TSHR: variants seen among roughly 807,000 people sequenced by gnomAD.
TSHR encodes thyroid stimulating hormone receptor.
In TSHR, 51 loss-of-function variants were observed where a neutral mutation model predicts 64.1. That is an observed-to-expected ratio of 0.80 (90% CI 0.64 to 1.01). The LOEUF is 1.01. Among genes scored for constraint, TSHR ranks in the 50% least tolerant of loss-of-function variants. The pLI is 0.00. For synonymous variants in TSHR, 361 were observed against 361.9 expected (o/e 1.00, Z 0.03); for missense variants, 877 against 942.8 (o/e 0.93, Z 0.91).
At chr14:81,076,517 C>G (rs146652448) in intron 3 of TSHR, among the ~76,000 whole-genome samples, 16 of 152,280 alleles carry the variant, frequency 1.1e-4, no homozygotes, top group African/African-American at 3.1e-4. Context: ...AAACTGACAT[C>G]TTGATTGTCG....
chr14:80,999,090 C>T (rs370466505), intron 1 of TSHR, among the ~76,000 whole-genome samples: 5 of 152,260 alleles, frequency 3.3e-5, no homozygotes, highest in South Asian at 2.1e-4. Flanking sequence ...TTATAATTTC[C>T]GTGGACTTAC....
rs144462932 is a variant in TSHR, at chr14:81,024,708, C to G, written c.171-37440C>G. ...TTCTTTTTTAACAATGGGCCTTGCACTAGATTCATTTATCTTGAAATGGCA... is the reference window on the plus strand; with the variant it reads ...TTCTTTTTTAACAATGGGCCTTGCAGTAGATTCATTTATCTTGAAATGGCA... On this transcript the variant is annotated intron_variant, in intron 1 of 9. Coordinates refer to ENST00000298171, the MANE Select transcript of TSHR (RefSeq NM_000369.5). 2.4e-4 allele frequency among the ~76,000 whole-genome samples: 37 copies of G among 152,278 alleles called. 1 individual carries two copies. The highest frequency in any genetic ancestry group is 6.7e-4 in the African/African-American group (28 of 41,568).
rs183283862 is a variant in TSHR, at chr14:81,073,227, G to A, written c.317+4899G>A. Among the ~76,000 whole-genome samples, 38 of 150,910 alleles carry A rather than the reference G, an allele frequency of 2.5e-4. No individual in the cohort carries two copies. In the East Asian group the frequency reaches 7.2e-3, roughly 29 times the overall value. ...AAACCATATAAAGCAGAAATTGGTAGAACTAAAAAGATAAACAATAATTGG... is the reference window on the plus strand; with the variant it reads ...AAACCATATAAAGCAGAAATTGGTAAAACTAAAAAGATAAACAATAATTGG... On this transcript the variant is annotated intron_variant, in intron 3 of 9. Coordinates refer to ENST00000298171, the MANE Select transcript of TSHR (RefSeq NM_000369.5).
intron 1 of TSHR, among the ~76,000 whole-genome samples, chr14:81,002,807 T>TCTGC (rs1889405026): frequency 1.2e-4 from 3 of 24,368 alleles, no homozygotes; most frequent in Non-Finnish European, 2.9e-4. Context: ...TTTTTTTTTT[T>TCTGC]ATCTTTTTTT....
At chr14:81,092,396 G>C in intron 5 of TSHR, 135 bp from the exon 6 acceptor site, 1 of 845,294 alleles carries the variant, frequency 1.2e-6, no homozygotes. Context: ...CGGTTAAGAA[G>C]GGTCAGTGAA....
At chr14:81,031,415 T>C (rs1884339729) in intron 1 of TSHR, among the ~76,000 whole-genome samples, 1 of 151,784 alleles carries the variant, frequency 6.6e-6, no homozygotes, top group African/African-American at 2.4e-5. Flanking sequence ...TGAGGCATGG[T>C]AAAAAAAATA....
Position 80,967,508 on chromosome 14 carries a change from C to G in TSHR, c.170+11658C>G, listed in dbSNP as rs573855084. Among the ~76,000 whole-genome samples the G allele has an allele frequency of 2.0e-5, 3 of 152,172 alleles. No homozygotes were observed. The East Asian group carries it at 5.8e-4, about 29-fold the overall frequency. On this transcript the variant is annotated intron_variant, in intron 1 of 9. Coordinates refer to ENST00000298171, the MANE Select transcript of TSHR (RefSeq NM_000369.5). ...CCATGTTGGTCAGGCTGATCTCGAA[C>G]TCCTGACCTCAGGGGATCTGGCCGC...
intron 8 of TSHR, among the ~76,000 whole-genome samples, chr14:81,109,301 T>C (rs1025710755): frequency 6.6e-6 from 1 of 151,608 alleles, no homozygotes; most frequent in Admixed American, 6.6e-5. Flanking sequence ...CCCAGCTACT[T>C]GGGAGGCCGA....
chr14:80,970,111 T>A (rs1214373232), intron 1 of TSHR, among the ~76,000 whole-genome samples: 1 of 152,190 alleles, frequency 6.6e-6, no homozygotes, highest in Admixed American at 6.5e-5. Context: ...GGCATTAGCT[T>A]GTGCCAATCT....
chr14:80,955,746 G>A lies in TSHR; in HGVS notation c.66G>A (p.Met22Ile). The A allele has an allele frequency of 6.2e-7, 1 of 1,614,194 alleles. No individual in the cohort carries two copies. Among genetic ancestry groups the A allele is most frequent in the Non-Finnish European group, 8.5e-7 (1 of 1,180,034 alleles). ...LLDLPRDLGG[M>I]GCSSPPCECH... ...ACCTGCCCAGGGACCTGGGCGGAAT[G>A]GGGTGTTCGTCTCCACCCTGCGAGT... Residue 22 changes from methionine to isoleucine, a missense_variant, in exon 1 of 10, where the codon ATG (methionine) becomes ATA (isoleucine). Coordinates refer to ENST00000298171, the MANE Select transcript of TSHR (RefSeq NM_000369.5).
At chr14:81,124,283 G>C (rs1890925414) in intron 8 of TSHR, among the ~76,000 whole-genome samples, 1 of 151,196 alleles carries the variant, frequency 6.6e-6, no homozygotes, top group Non-Finnish European at 1.5e-5. Flanking sequence ...CTGAAAATTT[G>C]TGGCAGAGTC....
intron 1 of TSHR, among the ~76,000 whole-genome samples, chr14:81,055,965 G>T (rs907693834): frequency 1.3e-5 from 2 of 152,144 alleles, no homozygotes; most frequent in African/African-American, 4.8e-5. Context: ...TTTGGGAGGA[G>T]CCAGGGTGGA....
intron 1 of TSHR, among the ~76,000 whole-genome samples, chr14:80,970,757 G>C (rs1455186220): frequency 1.3e-5 from 2 of 152,248 alleles, no homozygotes; most frequent in African/African-American, 4.8e-5. Context: ...CGCCCAGCAA[G>C]TGCTGTACTT....
chr14:81,104,203 A>C (rs1009277768), intron 7 of TSHR: 1 of 985,290 alleles, frequency 1.0e-6, no homozygotes, highest in Admixed American at 6.2e-5. Context: ...CTACAAAAGG[A>C]TTTCCATAGA....
At chr14:81,069,690 T>A (rs1406843265) in intron 3 of TSHR, among the ~76,000 whole-genome samples, 1 of 152,104 alleles carries the variant, frequency 6.6e-6, no homozygotes, top group African/African-American at 2.4e-5. Flanking sequence ...TTGGTTGAGA[T>A]CACTAAAGAG....
intron 1 of TSHR, among the ~76,000 whole-genome samples, chr14:80,989,418 G>A (rs771334223): frequency 3.9e-5 from 6 of 152,104 alleles, no homozygotes; most frequent in Non-Finnish European, 7.4e-5. Context: ...CATGGCAGTC[G>A]ACATCTTCCA....
intron 1 of TSHR, among the ~76,000 whole-genome samples, chr14:81,017,418 T>C (rs1883471330): frequency 6.6e-6 from 1 of 152,114 alleles, no homozygotes; most frequent in South Asian, 2.1e-4. Flanking sequence ...CAGGAGTATG[T>C]AAGGAGTGGA....
chr14:81,105,562 C>T (rs1172774238), intron 7 of TSHR, among the ~76,000 whole-genome samples: 1 of 152,208 alleles, frequency 6.6e-6, no homozygotes, highest in Non-Finnish European at 1.5e-5. Context: ...TCCTCCTCCC[C>T]TCCTGGACTC....
intron 1 of TSHR, among the ~76,000 whole-genome samples, chr14:81,031,588 G>A (rs1884349695): frequency 6.6e-6 from 1 of 152,132 alleles, no homozygotes. Context: ...TTTAAAGGTA[G>A]GTATTATCCC....
Sources: allele counts gnomAD v4.1 joint callset (sites outside exome capture counted in the v4.1 genomes callset), GRCh38; gene constraint gnomAD v4.1.1; transcripts MANE v1.5; gene names NCBI Gene and HGNC (gene_info 2026-07-23, HGNC 2026-07-21).